Variants in KCNH1 observed in about 807,000 individuals in gnomAD.
KCNH1 encodes the protein potassium voltage-gated channel subfamily H member 1.
A neutral mutation model predicts 69.2 loss-of-function variants in KCNH1; 27 were observed. That is an observed-to-expected ratio of 0.39 (90% CI 0.29 to 0.54). The LOEUF (loss-of-function observed/expected upper bound fraction) is 0.54. Ranked by LOEUF, KCNH1 falls within the 20% of genes least tolerant of loss-of-function variation. The probability of loss-of-function intolerance (pLI) is 0.68; values close to 1 mark genes in which losing one functional copy is unlikely to be tolerated. For missense variants in KCNH1, 798 were observed against 1,261.6 expected, an observed-to-expected ratio of 0.63 and a Z score of 5.57; for synonymous variants, 456 against 487.7, an observed-to-expected ratio of 0.93 and a Z score of 0.86.
chr1:211,034,174 G>A (rs1469236596), intron 5 of KCNH1, among the ~76,000 whole-genome samples: 1 of 152,058 alleles, frequency 6.6e-6, no homozygotes, highest in East Asian at 1.9e-4. Flanking sequence ...GCCAAAACCG[G>A]AAACAATCCA....
intron 6 of KCNH1, among the ~76,000 whole-genome samples, chr1:210,992,241 G>A (rs954324705): frequency 6.6e-6 from 1 of 152,164 alleles, no homozygotes; most frequent in African/African-American, 2.4e-5. Context: ...GTACAAGCAC[G>A]TATCTAATAA....
chr1:211,044,590 G>C (rs559467468), intron 5 of KCNH1, among the ~76,000 whole-genome samples: 1 of 152,190 alleles, frequency 6.6e-6, no homozygotes, highest in South Asian at 2.1e-4. Context: ...CCATCAAAAA[G>C]TGGGCTATGG....
At chr1:210,750,035 G>A (rs187412722) in intron 10 of KCNH1, among the ~76,000 whole-genome samples, 31 of 152,272 alleles carry the variant, frequency 2.0e-4, no homozygotes, top group African/African-American at 5.5e-4. Flanking sequence ...GAGCCGCCGC[G>A]TCCAGCTGGC....
chr1:211,026,659 A>C (rs961790783), intron 5 of KCNH1, among the ~76,000 whole-genome samples: 4 of 152,152 alleles, frequency 2.6e-5, no homozygotes, highest in Admixed American at 6.5e-5. Flanking sequence ...CCCAGTAAGG[A>C]GCATGGACTT....
chr1:210,871,795 C>T (rs1686254451), intron 7 of KCNH1, among the ~76,000 whole-genome samples: 1 of 149,406 alleles, frequency 6.7e-6, no homozygotes, highest in Non-Finnish European at 1.5e-5. Context: ...AGTAAACTAT[C>T]GCAAGAACAA....
intron 5 of KCNH1, among the ~76,000 whole-genome samples, chr1:211,023,469 G>T (rs1245786252): frequency 1.3e-5 from 2 of 151,344 alleles, no homozygotes; most frequent in Non-Finnish European, 2.9e-5. Flanking sequence ...ATATTATTTG[G>T]CCATAAAAAA....
At chr1:210,884,768 T>C (rs558177597) in intron 7 of KCNH1, among the ~76,000 whole-genome samples, 34 of 152,330 alleles carry the variant, frequency 2.2e-4, no homozygotes, top group African/African-American at 7.9e-4. Context: ...CAAATTGCCC[T>C]GCTCTCTGCC....
intron 6 of KCNH1, among the ~76,000 whole-genome samples, chr1:210,953,734 C>T (rs1297917584): frequency 6.6e-6 from 1 of 152,152 alleles, no homozygotes; most frequent in African/African-American, 2.4e-5. Context: ...AAAATTCACA[C>T]CCCCTGGGAT....
chr1:210,692,809 C>T (rs554861534), intron 10 of KCNH1, among the ~76,000 whole-genome samples: 5 of 152,344 alleles, frequency 3.3e-5, no homozygotes, highest in African/African-American at 1.2e-4. Context: ...TCCTCCAAAC[C>T]TCCAGAAGGA....
intron 7 of KCNH1, among the ~76,000 whole-genome samples, chr1:210,847,574 C>G (rs1447455047): frequency 9.1e-6 from 1 of 110,030 alleles, no homozygotes; most frequent in Non-Finnish European, 1.9e-5. Context: ...ACAACGGGGC[C>G]TGTTGTGGGG....
At chr1:211,041,686 C>T (rs1278384262) in intron 5 of KCNH1, among the ~76,000 whole-genome samples, 1 of 152,162 alleles carries the variant, frequency 6.6e-6, no homozygotes, top group Non-Finnish European at 1.5e-5. Context: ...GACCTACAAT[C>T]CCCTGCCTAT....
At chr1:210,790,705 T>C (rs1377739053) in intron 9 of KCNH1, among the ~76,000 whole-genome samples, 5 of 152,206 alleles carry the variant, frequency 3.3e-5, no homozygotes, top group Non-Finnish European at 5.9e-5. Context: ...GTCTCCATTT[T>C]TACTGCCTGC....
Position 210,867,809 on chromosome 1 carries a change from G to A in KCNH1, c.1462+51831C>T, listed in dbSNP as rs12033552. ...GGACCTGGACTTTTTTATAACTCAG[G>A]ATAATATATTTGAGATTCAACCATG... On this transcript the variant is annotated intron_variant, in intron 7 of 10. Coordinates refer to ENST00000271751, the MANE Select transcript of KCNH1 (RefSeq NM_172362.3). Among the ~76,000 whole-genome samples, 9 of 151,992 alleles carry A rather than the reference G, an allele frequency of 5.9e-5. No individual in the cohort carries two copies. The East Asian group carries it at 1.5e-3, about 26-fold the overall frequency.
intron 6 of KCNH1, among the ~76,000 whole-genome samples, chr1:210,979,490 G>A (rs1407073408): frequency 1.3e-5 from 2 of 152,050 alleles, no homozygotes; most frequent in African/African-American, 4.8e-5. Context: ...TTAATTATTA[G>A]TAACGTTGAA....
At chr1:210,915,167 A>C (rs1479483769) in intron 7 of KCNH1, among the ~76,000 whole-genome samples, 1 of 152,194 alleles carries the variant, frequency 6.6e-6, no homozygotes, top group African/African-American at 2.4e-5. Flanking sequence ...CTCAAAAGCC[A>C]GGGAAAGGCT....
intron 1 of KCNH1, among the ~76,000 whole-genome samples, chr1:211,122,505 T>C (rs183670691): frequency 2.6e-5 from 4 of 152,358 alleles, no homozygotes; most frequent in Admixed American, 2.0e-4. Context: ...TAAGCCATTC[T>C]ACTATAAAGA....
At chr1:210,974,656 C>T (rs558415676) in intron 6 of KCNH1, among the ~76,000 whole-genome samples, 1 of 150,706 alleles carries the variant, frequency 6.6e-6, no homozygotes, top group Admixed American at 6.6e-5. Flanking sequence ...CTCCACCTCC[C>T]AGGTTCAAGT....
intron 5 of KCNH1, among the ~76,000 whole-genome samples, chr1:211,032,443 G>C (rs542803468): frequency 1.1e-4 from 17 of 152,064 alleles, no homozygotes; most frequent in African/African-American, 2.9e-4. Flanking sequence ...AAAAAGAGCC[G>C]GCATTGCCAA....
At chr1:210,874,107 CT>C (rs1164047641) in intron 7 of KCNH1, among the ~76,000 whole-genome samples, 1 of 152,108 alleles carries the variant, frequency 6.6e-6, no homozygotes, top group Non-Finnish European at 1.5e-5. Context: ...AGTTTCTTCA[CT>C]TTTAAAAGGA....
Sources: gnomAD v4.1 joint callset for allele counts (sites outside exome capture counted in the v4.1 genomes callset) on GRCh38, gnomAD v4.1.1 for gene constraint, MANE v1.5 for transcripts, NCBI Gene and HGNC (gene_info 2026-07-23, HGNC 2026-07-21) for gene names.